Variants in MED27 observed in about 807,000 individuals in gnomAD.
MED27 encodes mediator complex subunit 27.
A neutral mutation model predicts 38.2 loss-of-function variants in MED27; 30 were observed. The observed-to-expected ratio is 0.79, with a 90% CI of 0.59 to 1.07. The LOEUF is 1.07. Ranked by LOEUF, MED27 falls within the 50% of genes least tolerant of loss-of-function variation. The pLI is 0.00. For synonymous variants in MED27, 122 were observed against 153.5 expected, an observed-to-expected ratio of 0.79 and a Z score of 1.52; for missense variants, 289 against 397.5, an observed-to-expected ratio of 0.73 and a Z score of 2.32.
intron 2 of MED27, among the ~76,000 whole-genome samples, chr9:132,071,005 G>C (rs897467615): frequency 1.3e-5 from 2 of 152,176 alleles, no homozygotes; most frequent in African/African-American, 4.8e-5. Flanking sequence ...GAAGCCACTG[G>C]AAGATGGGCC....
Position 131,860,409 on chromosome 9 carries a change from C to T in MED27, c.*129G>A, listed in dbSNP as rs998007082. The T allele has an allele frequency of 6.9e-5, 77 of 1,118,094 alleles. No homozygotes were observed. Among genetic ancestry groups the T allele is most frequent in the East Asian group, 2.0e-4 (7 of 34,836 alleles). 69.3% of individuals were successfully genotyped at this position (1,118,094 alleles called of 1,614,324 possible). On this transcript the variant is annotated 3_prime_UTR_variant, in exon 8 of 8. Coordinates refer to ENST00000292035, the MANE Select transcript of MED27 (RefSeq NM_004269.4). This position sits in a 1 kb window ranked among gnomAD's most constrained non-coding sequence, Gnocchi z 5.8. ...TCAAGAGTGGCCTCTGCACACATGG[C>T]GCTGCTTTATGAAAGGGAGGAGCAG... is the stretch of plus-strand genomic sequence containing the variant.
chr9:131,942,299 C>T (rs1223753760), intron 3 of MED27, among the ~76,000 whole-genome samples: 2 of 152,160 alleles, frequency 1.3e-5, no homozygotes, highest in Non-Finnish European at 2.9e-5. Context: ...AGGAAATGAA[C>T]TCATTTTTCA....
intron 1 of MED27, among the ~76,000 whole-genome samples, 157 bp from the exon 2 acceptor site, chr9:132,077,743 A>C (rs1171906162): frequency 6.7e-6 from 1 of 148,938 alleles, no homozygotes; most frequent in Non-Finnish European, 1.5e-5. Flanking sequence ...GGGACACTTA[A>C]AAAAAAAAAC....
chr9:131,869,136 C>A (rs1159796499), intron 6 of MED27: 1 of 985,296 alleles, frequency 1.0e-6, no homozygotes, highest in Non-Finnish European at 1.2e-6. Context: ...TTTCCCACCA[C>A]CAATTACAGA....
At chr9:131,953,813 T>C (rs1435571977) in intron 3 of MED27, among the ~76,000 whole-genome samples, 6 of 142,112 alleles carry the variant, frequency 4.2e-5, no homozygotes, top group Non-Finnish European at 7.5e-5. Flanking sequence ...TCTTCACTTT[T>C]ATATCTTTTT....
rs991974183 is a variant in MED27 at position 131,917,510 on chromosome 9, G to A, written c.573+21871C>T. Among the ~76,000 whole-genome samples, 2 of 152,010 alleles carry A rather than the reference G, an allele frequency of 1.3e-5. No homozygotes were observed. Among genetic ancestry groups the A allele is most frequent in the African/African-American group, 2.4e-5 (1 of 41,358 alleles). Reference sequence around the variant, plus strand: ...AGGTAGACCAGGAGACCAATGAGACGGCTGGAGCAAGGGTTCAGACGACAG... The same window carrying A: ...AGGTAGACCAGGAGACCAATGAGACAGCTGGAGCAAGGGTTCAGACGACAG... On this transcript the variant is annotated intron_variant, in intron 4 of 7. Transcript: ENST00000292035. The surrounding 1 kb of genome is among the most constrained non-coding windows in gnomAD (Gnocchi z 4.6).
intron 2 of MED27, among the ~76,000 whole-genome samples, chr9:132,014,949 A>AT (rs954635994): frequency 1.3e-5 from 2 of 152,136 alleles, no homozygotes; most frequent in African/African-American, 4.8e-5. Flanking sequence ...AGCCTACGTA[A>AT]TTTTTTAATA....
intron 6 of MED27, among the ~76,000 whole-genome samples, chr9:131,882,386 G>A (rs888091297): frequency 6.6e-6 from 1 of 152,158 alleles, no homozygotes; most frequent in African/African-American, 2.4e-5. Flanking sequence ...CAGAGGTAGT[G>A]GATGTACACT....
At chr9:132,041,216 G>C (rs889092086) in intron 2 of MED27, among the ~76,000 whole-genome samples, 1 of 152,208 alleles carries the variant, frequency 6.6e-6, no homozygotes, top group Non-Finnish European at 1.5e-5. Flanking sequence ...CGACAAGCTC[G>C]CTAACAGAGC....
chr9:132,020,711 GGTATTA>G (rs1832698787), intron 2 of MED27, among the ~76,000 whole-genome samples: 1 of 152,098 alleles, frequency 6.6e-6, no homozygotes, highest in Non-Finnish European at 1.5e-5. Context: ...AAGCTTGTCT[GGTATTA>G]TCTGTGCCAA....
At chr9:131,870,774 A>G (rs1838818150) in intron 6 of MED27, among the ~76,000 whole-genome samples, 1 of 152,172 alleles carries the variant, frequency 6.6e-6, no homozygotes, top group Admixed American at 6.5e-5. Context: ...CTTACACCCC[A>G]GTTCCTGTCA....
chr9:132,029,371 G>T (rs1182839115), intron 2 of MED27, among the ~76,000 whole-genome samples: 1 of 152,160 alleles, frequency 6.6e-6, no homozygotes, highest in Non-Finnish European at 1.5e-5. Flanking sequence ...GAGTAAAAAA[G>T]TAAAGATTGG....
At chr9:131,901,460 A>C (rs1317580351) in intron 4 of MED27, among the ~76,000 whole-genome samples, 4 of 152,190 alleles carry the variant, frequency 2.6e-5, no homozygotes, top group Non-Finnish European at 5.9e-5. Context: ...AAGGTAACAA[A>C]ATCGACATAT....
At chr9:131,984,056 C>A (rs551413744) in intron 3 of MED27, among the ~76,000 whole-genome samples, 6 of 152,100 alleles carry the variant, frequency 3.9e-5, no homozygotes, top group Non-Finnish European at 7.4e-5. Flanking sequence ...TGTCACTGTT[C>A]CCCATCCTCT....
Position 131,874,449 on chromosome 9 carries a change from C to T in MED27, c.723+9609G>A, listed in dbSNP as rs538973276. 9.2e-5 allele frequency among the ~76,000 whole-genome samples: 14 copies of T among 152,196 alleles called. No individual in the cohort carries two copies. In the East Asian group the frequency reaches 2.1e-3, roughly 23 times the overall value. Reference sequence around the variant, plus strand: ...GAGGACTGTGGCTCAGCACTGGGTACGGCTCACCTTGCAGGAGCCTGAGTG... The same window carrying T: ...GAGGACTGTGGCTCAGCACTGGGTATGGCTCACCTTGCAGGAGCCTGAGTG... On this transcript the variant is annotated intron_variant, in intron 6 of 7. Coordinates refer to ENST00000292035, the MANE Select transcript of MED27 (RefSeq NM_004269.4).
intron 6 of MED27, among the ~76,000 whole-genome samples, chr9:131,865,124 G>A (rs537451914): frequency 9.9e-5 from 15 of 152,170 alleles, no homozygotes; most frequent in Non-Finnish European, 1.6e-4. Flanking sequence ...AAACACCTGC[G>A]CTTTCTTGCA....
At chr9:131,890,731 T>C (rs1839214584) in intron 5 of MED27, among the ~76,000 whole-genome samples, 1 of 152,166 alleles carries the variant, frequency 6.6e-6, no homozygotes, top group Non-Finnish European at 1.5e-5. Flanking sequence ...GAGCTCCTGG[T>C]AGATGCAGGA....
chr9:131,886,664 T>A (rs1210289096), intron 5 of MED27, among the ~76,000 whole-genome samples: 1 of 152,234 alleles, frequency 6.6e-6, no homozygotes, highest in Non-Finnish European at 1.5e-5. Flanking sequence ...TACCTCCAGA[T>A]AACTCTGAGG....
chr9:131,893,223 T>C (rs1290438043), intron 5 of MED27, among the ~76,000 whole-genome samples: 2 of 151,942 alleles, frequency 1.3e-5, no homozygotes, highest in Non-Finnish European at 2.9e-5. Context: ...TGGAAGAGTG[T>C]GGGGCATCTC....
Sources: gnomAD v4.1 joint callset for allele counts (sites outside exome capture counted in the v4.1 genomes callset) on GRCh38, gnomAD v4.1.1 for gene constraint, Gnocchi (gnomAD v3.1) non-coding constraint, MANE v1.5 for transcripts, NCBI Gene and HGNC (gene_info 2026-07-23, HGNC 2026-07-21) for gene names.